The following PCDH9 variants were observed in gnomAD, a reference collection of about 807,000 sequenced individuals.
The protein encoded by PCDH9 is protocadherin-9.
A neutral mutation model predicts 70.6 loss-of-function variants in PCDH9; 24 were observed. That is an observed-to-expected ratio of 0.34 (90% confidence interval 0.25 to 0.48). PCDH9 has a LOEUF of 0.48. Among genes scored for constraint, PCDH9 ranks in the 20% least tolerant of loss-of-function variants. PCDH9 has a pLI of 0.99. For synonymous variants in PCDH9, 562 were observed against 558.5 expected (o/e 1.01, Z -0.09); for missense variants, 1,281 against 1,503.6 (o/e 0.85, Z 2.45).
intron 3 of PCDH9, among the ~76,000 whole-genome samples, chr13:66,822,682 C>T (rs1415411652): frequency 2.0e-5 from 3 of 151,724 alleles, no homozygotes; most frequent in Non-Finnish European, 2.9e-5. Flanking sequence ...TGCGCCACTA[C>T]GCCTGGCTAA....
chr13:66,676,227 G>A (rs1226361627), intron 3 of PCDH9, among the ~76,000 whole-genome samples: 1 of 151,932 alleles, frequency 6.6e-6, no homozygotes, highest in African/African-American at 2.4e-5. Flanking sequence ...TCTCACCTTA[G>A]CACTGTAACT....
At chr13:66,552,032 T>G (rs1463207313) in intron 4 of PCDH9, among the ~76,000 whole-genome samples, 1 of 152,112 alleles carries the variant, frequency 6.6e-6, no homozygotes, top group Non-Finnish European at 1.5e-5. Context: ...GTCTTATAGT[T>G]GTCAATCCCC....
chr13:67,049,753 C>G (rs998777489), intron 2 of PCDH9, among the ~76,000 whole-genome samples: 2 of 152,232 alleles, frequency 1.3e-5, no homozygotes, highest in Non-Finnish European at 2.9e-5. Context: ...ACTCTTGTAC[C>G]TCAGCAGTTT....
At chr13:66,640,357 C>T (rs1269746490) in intron 3 of PCDH9, among the ~76,000 whole-genome samples, 1 of 152,174 alleles carries the variant, frequency 6.6e-6, no homozygotes, top group Non-Finnish European at 1.5e-5. Context: ...ATCACCCTAG[C>T]ATTCCCCTTG....
chr13:67,222,648 G>A (rs2089756052), intron 2 of PCDH9: 1 of 151,996 alleles, frequency 6.6e-6, no homozygotes, highest in Admixed American at 6.6e-5. Flanking sequence ...ATGAAAAGAT[G>A]GTGTGAGCAA....
Position 67,134,677 on chromosome 13 carries a change from C to T in PCDH9, c.3036+90728G>A, listed in dbSNP as rs138304361. Among the ~76,000 whole-genome samples the T allele has an allele frequency of 1.6e-3, 237 of 152,144 alleles. 3 individuals are homozygous for T. Among genetic ancestry groups the T allele is most frequent in the Non-Finnish European group, 2.9e-4 (20 of 67,998 alleles). On this transcript the variant is annotated intron_variant, in intron 2 of 4. Coordinates refer to ENST00000377865, the MANE Select transcript of PCDH9 (RefSeq NM_203487.3). ...TGAGTTGTGGGGTGGCTTCTTGCTA[C>T]GGTACATTTGAAAATACTGCCAAAC...
At chr13:66,313,681 T>G (rs958807232) in intron 4 of PCDH9, among the ~76,000 whole-genome samples, 3 of 152,192 alleles carry the variant, frequency 2.0e-5, no homozygotes, top group Non-Finnish European at 2.9e-5. Flanking sequence ...GAAAAACTGA[T>G]GACGTTCATT....
intron 2 of PCDH9, among the ~76,000 whole-genome samples, chr13:67,006,351 A>G (rs894628699): frequency 1.3e-5 from 2 of 152,254 alleles, no homozygotes; most frequent in Non-Finnish European, 2.9e-5. Flanking sequence ...TATAAAATAC[A>G]AAACCGGAAT....
chr13:66,745,662 G>C (rs2079350428), intron 3 of PCDH9, among the ~76,000 whole-genome samples: 1 of 152,112 alleles, frequency 6.6e-6, no homozygotes, highest in African/African-American at 2.4e-5. Flanking sequence ...AGTCTGTCTA[G>C]AGCATGCTCA....
intron 4 of PCDH9, among the ~76,000 whole-genome samples, chr13:66,420,007 T>G (rs186630134): frequency 6.6e-6 from 1 of 152,084 alleles, no homozygotes; most frequent in Non-Finnish European, 1.5e-5. Context: ...CCGCCATTAC[T>G]GAGGCTTGAG....
intron 4 of PCDH9, among the ~76,000 whole-genome samples, chr13:66,415,120 A>G (rs1957439261): frequency 1.3e-5 from 2 of 152,148 alleles, no homozygotes; most frequent in African/African-American, 4.8e-5. Context: ...TAAATAGGCA[A>G]GATGAATACA....
At chr13:66,378,698 G>T (rs1956791752) in intron 4 of PCDH9, among the ~76,000 whole-genome samples, 1 of 152,142 alleles carries the variant, frequency 6.6e-6, no homozygotes, top group Admixed American at 6.5e-5. Context: ...ACATAGGAAA[G>T]ATCTAGAAAG....
chr13:66,694,659 T>C (rs953196835), intron 3 of PCDH9, among the ~76,000 whole-genome samples: 1 of 151,962 alleles, frequency 6.6e-6, no homozygotes, highest in African/African-American at 2.4e-5. Context: ...AAAAAAGATA[T>C]GAAAACATTT....
intron 3 of PCDH9, among the ~76,000 whole-genome samples, chr13:66,791,717 T>C (rs1414384208): frequency 1.3e-5 from 2 of 152,212 alleles, no homozygotes; most frequent in Non-Finnish European, 2.9e-5. Context: ...TCATTTGCCA[T>C]TACTTTCAAT....
At chr13:67,218,549 C>G (rs957092567) in intron 2 of PCDH9, 9 of 151,970 alleles carry the variant, frequency 5.9e-5, no homozygotes, top group Admixed American at 6.6e-5. Flanking sequence ...TGGTTATTAA[C>G]AAAGCAGTGT....
At chr13:66,795,326 G>A (rs2139327796) in intron 3 of PCDH9, among the ~76,000 whole-genome samples, 1 of 152,218 alleles carries the variant, frequency 6.6e-6, no homozygotes, top group South Asian at 2.1e-4. Flanking sequence ...GAGCATTTCA[G>A]ATTTCCAGTT....
At chr13:67,147,904 C>CA (rs2087561987) in intron 2 of PCDH9, among the ~76,000 whole-genome samples, 1 of 152,168 alleles carries the variant, frequency 6.6e-6, no homozygotes, top group Non-Finnish European at 1.5e-5. Flanking sequence ...CCCCCTATCC[C>CA]AGTAAATGAG....
At chr13:66,579,368 G>A (rs571974964) in intron 4 of PCDH9, among the ~76,000 whole-genome samples, 66 of 151,918 alleles carry the variant, frequency 4.3e-4, no homozygotes, top group Middle Eastern at 3.2e-3. Flanking sequence ...ACTTCGAACT[G>A]GAAAAATATT....
intron 2 of PCDH9, among the ~76,000 whole-genome samples, chr13:67,174,804 A>C (rs994385032): frequency 2.0e-5 from 3 of 152,090 alleles, no homozygotes; most frequent in Admixed American, 6.6e-5. Context: ...GTTGCAGATA[A>C]ATTTTGCATT....
Sources: gnomAD v4.1 joint callset for allele counts (sites outside exome capture counted in the v4.1 genomes callset) on GRCh38, gnomAD v4.1.1 for gene constraint, MANE v1.5 for transcripts, NCBI Gene and HGNC (gene_info 2026-07-23, HGNC 2026-07-21) for gene names.